KIF25: variants seen among roughly 807,000 people sequenced by gnomAD.
The protein encoded by KIF25 is kinesin-like protein KIF25.
Under a neutral mutation model 32.9 loss-of-function variants are expected in KIF25, and 19 were observed. The ratio of observed to expected loss-of-function variants is 0.58; its 90% CI spans 0.40 to 0.85. KIF25 has a LOEUF of 0.85. Among genes scored for constraint, KIF25 ranks in the 40% least tolerant of loss-of-function variants. The probability of loss-of-function intolerance (pLI) is 0.00; values close to 1 mark genes in which losing one functional copy is unlikely to be tolerated. For missense variants in KIF25, 485 were observed against 507.0 expected (o/e 0.96, Z 0.42); for synonymous variants, 225 against 213.7 (o/e 1.05, Z -0.46).
At chr6:168,005,474 G>A (rs1302920595) in intron 4 of KIF25, among the ~76,000 whole-genome samples, 4 of 152,210 alleles carry the variant, frequency 2.6e-5, no homozygotes, top group Non-Finnish European at 5.9e-5. Context: ...GTGCTAACAG[G>A]TCTGTCTGTG....
chr6:168,016,096 G>C lies in KIF25; in HGVS notation c.-162-1877G>C, dbSNP rs187034637. ...GTGGACAGCAGAAAAATGAAAATAT[G>C]CCGCGAGAAAGGAGCAAAGGGCCTA... On this transcript the variant is annotated intron_variant, in intron 4 of 12. Coordinates refer to ENST00000643607, the MANE Select transcript of KIF25 (RefSeq NM_030615.4). Among the ~76,000 whole-genome samples, 6 of 152,302 alleles carry C rather than the reference G, an allele frequency of 3.9e-5. No individual in the cohort carries two copies. The East Asian group carries it at 1.2e-3, about 29-fold the overall frequency.
At chr6:168,042,368 G>A (rs903101169) in intron 11 of KIF25, among the ~76,000 whole-genome samples, 193 bp from the exon 12 acceptor site, 1 of 152,194 alleles carries the variant, frequency 6.6e-6, no homozygotes, top group Non-Finnish European at 1.5e-5. Context: ...TCTGGGAACA[G>A]AAAACCTGAG....
intron 7 of KIF25, among the ~76,000 whole-genome samples, chr6:168,031,598 A>T (rs1054054590): frequency 6.6e-6 from 1 of 152,238 alleles, no homozygotes; most frequent in African/African-American, 2.4e-5. Flanking sequence ...ATCATGATGC[A>T]GTTGCTGCTT....
chr6:168,024,456 T>C (rs521007), intron 5 of KIF25, among the ~76,000 whole-genome samples: 2 of 129,934 alleles, frequency 1.5e-5, no homozygotes, highest in Admixed American at 1.6e-4. Context: ...TTTTTTTTAC[T>C]GTGCTTCAGA....
chr6:168,007,698 C>T (rs1190338229), intron 4 of KIF25, among the ~76,000 whole-genome samples: 4 of 152,136 alleles, frequency 2.6e-5, no homozygotes, highest in South Asian at 2.1e-4. Context: ...ATCAGGGTTG[C>T]GGTGGTCTGG....
At chr6:168,037,661 CT>C (rs1212852621) in intron 8 of KIF25, among the ~76,000 whole-genome samples, 1 of 145,276 alleles carries the variant, frequency 6.9e-6, no homozygotes, top group Non-Finnish European at 1.5e-5. Flanking sequence ...CTCTCTCTCT[CT>C]CTCTCTCTGT....
At chr6:168,032,853 G>A (rs1190596893) in intron 7 of KIF25, among the ~76,000 whole-genome samples, 1 of 152,194 alleles carries the variant, frequency 6.6e-6, no homozygotes, top group African/African-American at 2.4e-5. Flanking sequence ...CGGAGATCCT[G>A]CTCTGAGGCA....
At position 168,036,433 on chromosome 6, in the gene KIF25, G is replaced by A. The variant is rs542776372; in HGVS notation, c.318-2120G>A. On this transcript the variant is annotated intron_variant, in intron 8 of 12. Transcript: ENST00000643607. ...CCCCTCCCCGCCCCAGAGAGTCAGG[G>A]GAGCTGCGTGCATTGGAATCACACT... Among the ~76,000 whole-genome samples the A allele has an allele frequency of 1.5e-4, 23 of 152,364 alleles. No homozygotes were observed. The East Asian group carries it at 4.1e-3, about 27-fold the overall frequency.
chr6:168,042,436 A>G, intron 11 of KIF25, 125 bp from the exon 12 acceptor site: 4 of 1,227,578 alleles, frequency 3.3e-6, no homozygotes, highest in Non-Finnish European at 3.4e-6. Flanking sequence ...ACTCACTCTC[A>G]TGCCTGTCCC....
At chr6:168,035,818 G>A (rs2114907028) in intron 8 of KIF25, 1 of 455,944 alleles carries the variant, frequency 2.2e-6, no homozygotes, top group Admixed American at 2.3e-5. Flanking sequence ...GTGGCCCCGG[G>A]CAAGGCCGTA....
At chr6:168,017,832 T>C (rs1003405702) in intron 4 of KIF25, 141 bp from the exon 5 acceptor site, 2 of 152,244 alleles carry the variant, frequency 1.3e-5, no homozygotes, top group African/African-American at 4.8e-5. Context: ...CCATACACAG[T>C]CTGTAAACAA....
intron 4 of KIF25, among the ~76,000 whole-genome samples, chr6:168,013,497 G>A (rs926789040): frequency 1.3e-5 from 2 of 151,994 alleles, no homozygotes; most frequent in Non-Finnish European, 2.9e-5. Flanking sequence ...GGTGGCTCTG[G>A]TCTCAAGATG....
Position 168,042,682 on chromosome 6 carries a change from C to T in KIF25, c.951C>T (p.Asn317=), listed in dbSNP as rs1441907394. ...ACCGTGGCCATGCCCCGTACCGGAA[C>T]AGCAGGCTCACCCACCTCCTTCAGG... ...LEHRGHAPYR[N]SRLTHLLQDC... is the part of the protein sequence containing the mutation. Residue 317 remains asparagine, a synonymous_variant, in exon 12 of 13, where the codon AAC becomes AAT. Coordinates refer to ENST00000643607, the MANE Select transcript of KIF25 (RefSeq NM_030615.4). 1.2e-6 allele frequency: 2 copies of T among 1,613,062 alleles called. No homozygotes were observed. Among genetic ancestry groups the T allele is most frequent in the African/African-American group, 1.3e-5 (1 of 74,940 alleles).
intron 5 of KIF25, among the ~76,000 whole-genome samples, chr6:168,020,495 T>C (rs1473593289): frequency 6.6e-6 from 1 of 151,936 alleles, no homozygotes; most frequent in Non-Finnish European, 1.5e-5. Context: ...CTTCCAAATC[T>C]AGTTAACTGA....
At chr6:168,026,013 C>G (rs1244359189) in intron 5 of KIF25, among the ~76,000 whole-genome samples, 1 of 152,214 alleles carries the variant, frequency 6.6e-6, no homozygotes, top group East Asian at 1.9e-4. Flanking sequence ...CAAGTACTTT[C>G]AGGCCGTTGG....
chr6:168,039,716 C>A (rs1461749109), intron 9 of KIF25, among the ~76,000 whole-genome samples: 1 of 152,178 alleles, frequency 6.6e-6, no homozygotes, highest in Non-Finnish European at 1.5e-5. Flanking sequence ...ATGGGTTAAA[C>A]CTTTATTTTA....
At chr6:168,029,395 A>T in intron 5 of KIF25, 97 bp from the exon 6 acceptor site, 2 of 825,978 alleles carry the variant, frequency 2.4e-6, no homozygotes, top group East Asian at 6.0e-5. Context: ...GGAAATGCGA[A>T]CACTGACTTT....
intron 5 of KIF25, among the ~76,000 whole-genome samples, chr6:168,021,887 C>T (rs536962173): frequency 1.4e-4 from 22 of 152,200 alleles, no homozygotes; most frequent in Non-Finnish European, 2.4e-4. Flanking sequence ...TAAAGTTCAA[C>T]GTTATCAATT....
chr6:168,029,728 T>C (rs1258833534), intron 6 of KIF25, 51 bp downstream of exon 6: 2 of 1,574,492 alleles, frequency 1.3e-6, no homozygotes, highest in Non-Finnish European at 1.7e-6. Context: ...AGCCGGGTGA[T>C]GTGCACATGG....
Sources: gnomAD v4.1 joint callset for allele counts (sites outside exome capture counted in the v4.1 genomes callset) on GRCh38, gnomAD v4.1.1 for gene constraint, MANE v1.5 for transcripts, NCBI Gene and HGNC (gene_info 2026-07-23, HGNC 2026-07-21) for gene names.